TBL1XR1: variants seen among roughly 807,000 people sequenced by gnomAD.
TBL1XR1 encodes TBL1X/Y related 1, also known as F-box-like/WD repeat-containing protein TBL1XR1.
TBL1XR1 carries 5 observed loss-of-function variants against 66.9 expected under a neutral mutation model. The observed-to-expected ratio is 0.07, with a 90% CI of 0.04 to 0.16. The LOEUF (loss-of-function observed/expected upper bound fraction) is 0.16, where lower values mean the gene tolerates loss of function less well. TBL1XR1 is among the 10% of genes least tolerant of loss of function. The pLI, the probability that TBL1XR1 is intolerant of heterozygous loss-of-function variation, is 1.00. For synonymous variants in TBL1XR1, 210 were observed against 206.0 expected, an observed-to-expected ratio of 1.02 and a Z score of -0.17; for missense variants, 238 against 623.2, an observed-to-expected ratio of 0.38 and a Z score of 6.58.
chr3:177,129,328 T>C (rs1055576780), intron 1 of TBL1XR1, among the ~76,000 whole-genome samples: 1 of 152,174 alleles, frequency 6.6e-6, no homozygotes, highest in Non-Finnish European at 1.5e-5. Flanking sequence ...GGATACAGAA[T>C]GTAAACAGCT....
chr3:177,077,964 C>A (rs1720896105), intron 2 of TBL1XR1, among the ~76,000 whole-genome samples: 1 of 152,130 alleles, frequency 6.6e-6, no homozygotes, highest in Admixed American at 6.5e-5. Context: ...TTTAACTTCC[C>A]GGAGCCCCAG....
chr3:177,132,879 G>C (rs1002284412), intron 1 of TBL1XR1, among the ~76,000 whole-genome samples: 12 of 152,198 alleles, frequency 7.9e-5, no homozygotes, highest in African/African-American at 2.7e-4. Flanking sequence ...CTTTCTTACT[G>C]TTCTTGATGC....
intron 1 of TBL1XR1, among the ~76,000 whole-genome samples, chr3:177,162,467 C>A (rs1458667441): frequency 1.3e-5 from 2 of 152,020 alleles, no homozygotes; most frequent in Admixed American, 6.6e-5. Context: ...ATAGGCACAA[C>A]TAATTTATGG....
In TBL1XR1 at chr3:177,025,328, T is replaced by A. The variant is rs923355883; in HGVS notation, c.*170A>T. On this transcript the variant is annotated 3_prime_UTR_variant, in exon 16 of 16. Coordinates refer to ENST00000457928, the MANE Select transcript of TBL1XR1 (RefSeq NM_024665.7). ...CACAAGCTGTGACAAAACTCTGTCA[T>A]CTTCAGGGTGCAATTTTGTTTATAT... is the stretch of plus-strand genomic sequence containing the variant. The A allele has an allele frequency of 8.0e-6, 4 of 498,106 alleles. No homozygotes were observed. The highest frequency in any genetic ancestry group is 2.0e-5 in the African/African-American group (1 of 50,330). The allele number at this position is 498,106 out of a possible 1,614,324, so 30.9% of individuals were successfully genotyped here.
intron 1 of TBL1XR1, among the ~76,000 whole-genome samples, chr3:177,102,545 G>A (rs970858024): frequency 1.3e-5 from 2 of 152,190 alleles, no homozygotes; most frequent in African/African-American, 4.8e-5. Context: ...AACTTAAGGT[G>A]CATTTAAGAT....
chr3:177,128,099 G>T (rs1027994390), intron 1 of TBL1XR1, among the ~76,000 whole-genome samples: 25 of 151,930 alleles, frequency 1.6e-4, no homozygotes, highest in African/African-American at 5.8e-4. Flanking sequence ...CACACCTATA[G>T]TCCTGGCTAC....
chr3:177,140,877 A>C (rs1729551829), intron 1 of TBL1XR1, among the ~76,000 whole-genome samples: 1 of 152,184 alleles, frequency 6.6e-6, no homozygotes, highest in Admixed American at 6.5e-5. Context: ...ACATTCTTAA[A>C]ACATTATGAG....
At chr3:177,034,678 G>A (rs899505548) in intron 12 of TBL1XR1, among the ~76,000 whole-genome samples, 2 of 151,644 alleles carry the variant, frequency 1.3e-5, no homozygotes, top group Non-Finnish European at 2.9e-5. Context: ...ACTGCTCTTA[G>A]AATTTTAGAA....
At chr3:177,083,328 C>A (rs745479881) in intron 2 of TBL1XR1, among the ~76,000 whole-genome samples, 3 of 152,166 alleles carry the variant, frequency 2.0e-5, no homozygotes, top group African/African-American at 4.8e-5. Flanking sequence ...TTAGAAATGA[C>A]CTTAGTCTTT....
intron 6 of TBL1XR1, 104 bp downstream of exon 6, chr3:177,050,374 T>C: frequency 7.1e-7 from 1 of 1,401,954 alleles, no homozygotes; most frequent in Non-Finnish European, 9.5e-7. Flanking sequence ...AGAGACAAAA[T>C]GGCCACAACT....
At chr3:177,036,325 C>T (rs1714778157) in intron 12 of TBL1XR1, among the ~76,000 whole-genome samples, 1 of 152,202 alleles carries the variant, frequency 6.6e-6, no homozygotes, top group Admixed American at 6.5e-5. Context: ...ATCAGTCCCA[C>T]CTATCTCCTC....
At chr3:177,193,163 A>T (rs1452614060) in intron 1 of TBL1XR1, among the ~76,000 whole-genome samples, 1 of 151,704 alleles carries the variant, frequency 6.6e-6, no homozygotes, top group African/African-American at 2.4e-5. Context: ...AAAAAAATAA[A>T]ATAAAATAAA....
intron 1 of TBL1XR1, among the ~76,000 whole-genome samples, chr3:177,130,398 A>G (rs1464246774): frequency 6.6e-6 from 1 of 152,212 alleles, no homozygotes; most frequent in Non-Finnish European, 1.5e-5. Context: ...AAACAAAACA[A>G]GAAACTCTTC....
chr3:177,161,121 G>C (rs146371864), intron 1 of TBL1XR1: 90 of 152,206 alleles, frequency 5.9e-4, no homozygotes, highest in African/African-American at 2.1e-3. Flanking sequence ...GGTTTGTTGT[G>C]TTTCCGTTTT....
At chr3:177,184,055 T>G (rs1656683801) in intron 1 of TBL1XR1, among the ~76,000 whole-genome samples, 1 of 152,144 alleles carries the variant, frequency 6.6e-6, no homozygotes, top group Admixed American at 6.6e-5. Context: ...AGCACAATTC[T>G]GTGCACCAAA....
chr3:177,129,020 G>C (rs766446560), intron 1 of TBL1XR1, among the ~76,000 whole-genome samples: 1 of 152,064 alleles, frequency 6.6e-6, no homozygotes, highest in Non-Finnish European at 1.5e-5. Context: ...TGTTCAGCAC[G>C]GTCATTTTTA....
chr3:177,145,133 T>G (rs1730095396), intron 1 of TBL1XR1, among the ~76,000 whole-genome samples: 1 of 152,194 alleles, frequency 6.6e-6, no homozygotes, highest in South Asian at 2.1e-4. Flanking sequence ...CTGGTTTGTC[T>G]GCAGGAACCT....
At chr3:177,120,746 G>C (rs536179994) in intron 1 of TBL1XR1, 4 of 152,160 alleles carry the variant, frequency 2.6e-5, no homozygotes, top group Non-Finnish European at 5.9e-5. Context: ...GAACAAGTTC[G>C]ATCTGTTACT....
intron 1 of TBL1XR1, among the ~76,000 whole-genome samples, chr3:177,128,567 T>C (rs1008325689): frequency 6.6e-6 from 1 of 152,080 alleles, no homozygotes; most frequent in Non-Finnish European, 1.5e-5. Flanking sequence ...AGAGATGGGG[T>C]TTTGCCATGT....
Sources: allele counts gnomAD v4.1 joint callset (sites outside exome capture counted in the v4.1 genomes callset), GRCh38; gene constraint gnomAD v4.1.1; transcripts MANE v1.5; gene names NCBI Gene and HGNC (gene_info 2026-07-23, HGNC 2026-07-21).